The following UNC45B variants were observed in gnomAD, a reference collection of about 807,000 sequenced individuals.
UNC45B encodes unc-45 myosin chaperone B.
In UNC45B, 78 loss-of-function variants were observed where a neutral mutation model predicts 98.7. The observed-to-expected ratio is 0.79, with a 90% CI of 0.66 to 0.95. The LOEUF is 0.95. UNC45B is among the 40% of genes least tolerant of loss of function. The pLI, the probability that UNC45B is intolerant of heterozygous loss-of-function variation, is 0.00. For synonymous variants in UNC45B, 462 were observed against 480.4 expected (o/e 0.96, Z 0.50); for missense variants, 1,225 against 1,184.9 (o/e 1.03, Z -0.50).
rs778484839 is a variant in UNC45B at position 35,168,192 on chromosome 17, C to T, written c.1283C>T (p.Ala428Val). The change falls in exon 10 of 20, where the codon GCA becomes GTA. Residue 428 changes from alanine (A) to valine (V), a missense_variant. Physicochemically the swap from Ala to Val is moderately conservative, Grantham distance 64. Transcript: ENST00000394570. ...GLKGVMEMMV[A>V]LCGSERETDQ... ...AAAGGTGTGATGGAGATGATGGTGG[C>T]ACTATGTGGCTCAGAGCGCGAGACG... is the stretch of plus-strand genomic sequence containing the variant. The T allele has an allele frequency of 6.2e-6, 10 of 1,605,428 alleles. No homozygotes were observed. In the African/African-American group the frequency reaches 8.1e-5, roughly 13 times the overall value.
At chr17:35,186,118 C>T (rs1163252601) in intron 19 of UNC45B, among the ~76,000 whole-genome samples, 181 bp from the exon 20 acceptor site, 1 of 152,132 alleles carries the variant, frequency 6.6e-6, no homozygotes, top group Admixed American at 6.5e-5. Flanking sequence ...AGAGCAAGAA[C>T]TCACTGCTGC....
rs1597942110 is a variant in UNC45B at position 35,186,392 on chromosome 17, G to T, written c.2623G>T (p.Ala875Ser). The change falls in exon 20 of 20, where the codon GCA (alanine) becomes TCA (serine). Residue 875 changes from alanine (A) to serine (S), a missense_variant. Physicochemically the swap from Ala to Ser is moderately conservative, Grantham distance 99. Coordinates refer to ENST00000394570, the MANE Select transcript of UNC45B (RefSeq NM_001267052.2). Reference sequence around the variant, plus strand: ...CCTGGTCATTGCCTACAACCTACTGGCAGCCGATGCTGAGCTGGCCAAGAA... The same window carrying T: ...CCTGGTCATTGCCTACAACCTACTGTCAGCCGATGCTGAGCTGGCCAAGAA... The part of the protein sequence containing the change: ...RGLVIAYNLL[A>S]ADAELAKKLV... The T allele has an allele frequency of 6.2e-7, 1 of 1,614,226 alleles. No individual in the cohort carries two copies. Among genetic ancestry groups the T allele is most frequent in the East Asian group, 2.2e-5 (1 of 44,886 alleles).
intron 8 of UNC45B, among the ~76,000 whole-genome samples, chr17:35,160,616 T>C (rs2092096591): frequency 6.6e-6 from 1 of 152,162 alleles, no homozygotes; most frequent in Admixed American, 6.6e-5. Flanking sequence ...ATGTTTTTCT[T>C]TTGTAGAGAT....
chr17:35,157,711 C>G (rs1477380047), intron 7 of UNC45B, among the ~76,000 whole-genome samples: 1 of 152,186 alleles, frequency 6.6e-6, no homozygotes, highest in African/African-American at 2.4e-5. Context: ...AGATATTTGC[C>G]TATCCAGTAG....
At chr17:35,149,920 A>T (rs932212366) in intron 3 of UNC45B, 128 bp from the exon 4 acceptor site, 1 of 1,012,826 alleles carries the variant, frequency 9.9e-7, no homozygotes, top group Admixed American at 3.0e-5. Flanking sequence ...GAGAGTCCAC[A>T]TGGATGGATA....
At chr17:35,162,385 A>C (rs761161011) in intron 8 of UNC45B, among the ~76,000 whole-genome samples, 5 of 152,226 alleles carry the variant, frequency 3.3e-5, no homozygotes, top group Non-Finnish European at 7.3e-5. Flanking sequence ...GGAGTAGTTT[A>C]GGGAGGAAAC....
At chr17:35,183,723 T>G in intron 19 of UNC45B, 141 bp downstream of exon 19, 1 of 943,534 alleles carries the variant, frequency 1.1e-6, no homozygotes, top group African/African-American at 1.7e-5. Flanking sequence ...TCCTACTGCC[T>G]AAGGAGAGGA....
intron 4 of UNC45B, among the ~76,000 whole-genome samples, chr17:35,151,926 C>T (rs1448481373): frequency 4.6e-5 from 7 of 151,544 alleles, no homozygotes; most frequent in South Asian, 4.2e-4. Context: ...TAGGGAGAGA[C>T]GCTGTTCCTA....
At chr17:35,181,792 A>T (rs1597936907) in intron 18 of UNC45B, among the ~76,000 whole-genome samples, 1 of 38,184 alleles carries the variant, frequency 2.6e-5, no homozygotes, top group Non-Finnish European at 6.0e-5. Flanking sequence ...CTGCATCTCA[A>T]AAAAAAAAAA....
At position 35,180,596 on chromosome 17, in the gene UNC45B, G is replaced by A. The variant is rs771256591; in HGVS notation, c.2293G>A (p.Glu765Lys). 18 of 1,613,912 alleles carry A rather than the reference G, an allele frequency of 1.1e-5. No individual in the cohort carries two copies. The highest frequency in any genetic ancestry group is 5.0e-5 in the Admixed American group (3 of 59,998). The change falls in exon 18 of 20, where the codon GAG becomes AAG. Residue 765 changes from glutamate (E) to lysine (K), a missense_variant. Transcript: ENST00000394570. ...IFKERALPDI[E>K]NYMFENHDQL... is the part of the protein sequence containing the mutation. ...TAAGGAGAGGGCCTTGCCAGACATC[G>A]AGAACTACATGTTTGAGAATCATGA...
intron 7 of UNC45B, among the ~76,000 whole-genome samples, chr17:35,158,474 T>C (rs1168402623): frequency 1.3e-5 from 2 of 152,226 alleles, no homozygotes; most frequent in African/African-American, 4.8e-5. Context: ...AGGGCCAGTG[T>C]TGGAGGAGAT....
rs775340790 is a variant in UNC45B at position 35,169,924 on chromosome 17, T to C, written c.1540T>C (p.Cys514Arg). 22 of 1,613,972 alleles carry C rather than the reference T, an allele frequency of 1.4e-5. No homozygotes were observed. The highest frequency in any genetic ancestry group is 1.3e-5 in the Non-Finnish European group (15 of 1,180,022). The part of the protein sequence containing the change: ...EGSTEKLAKQ[C>R]RKWLCNMSID... ...GTCGACAGAAAAACTGGCCAAACAG[T>C]GTCGCAAGTAAGGGGGCTGTGTTTC... Residue 514 changes from cysteine (C) to arginine (R), a missense_variant, in exon 11 of 20, where the codon TGT (cysteine) becomes CGT (arginine). Coordinates refer to ENST00000394570, the MANE Select transcript of UNC45B (RefSeq NM_001267052.2).
At chr17:35,177,717 G>A (rs2092245092) in intron 17 of UNC45B, 107 bp downstream of exon 17, 1 of 839,556 alleles carries the variant, frequency 1.2e-6, no homozygotes, top group Non-Finnish European at 1.9e-6. Context: ...ACAACACAAA[G>A]GCAAGGGGTG....
intron 11 of UNC45B, 43 bp downstream of exon 11, chr17:35,169,974 C>T (rs778001659): frequency 4.3e-5 from 70 of 1,612,576 alleles, no homozygotes; most frequent in Non-Finnish European, 5.3e-5. Context: ...TCCTCATGCG[C>T]CTTCCGGGCA....
In UNC45B at chr17:35,159,281, G is replaced by C. The variant is rs550207569; in HGVS notation, c.809-94G>C. ...ACATATTCAGGAAGTAGTGGATTCA[G>C]TACTTCCAGAGTCTAGAAGCTGCTG... On this transcript the variant is annotated intron_variant, in intron 7 of 19. Transcript: ENST00000394570. 1.5e-5 allele frequency: 17 copies of C among 1,164,478 alleles called. No homozygotes were observed. The East Asian group carries it at 3.8e-4, about 26-fold the overall frequency. The allele number at this position is 1,164,478 out of a possible 1,614,324, so 72.1% of individuals were successfully genotyped here. A position where few individuals can be genotyped will look rare whatever the true frequency, so the allele number is the denominator to read the frequency against.
intron 13 of UNC45B, among the ~76,000 whole-genome samples, chr17:35,173,423 G>T (rs961066362): frequency 6.6e-6 from 1 of 152,114 alleles, no homozygotes; most frequent in Non-Finnish European, 1.5e-5. Context: ...ACCACGCCTG[G>T]CCCGGTTTTA....
intron 9 of UNC45B, 124 bp from the exon 10 acceptor site, chr17:35,167,937 C>T (rs2092152185): frequency 2.2e-6 from 2 of 895,158 alleles, no homozygotes; most frequent in Admixed American, 3.7e-5. Flanking sequence ...CTGAATTGCC[C>T]AATATCACAC....
At chr17:35,149,794 A>T (rs959708693) in intron 3 of UNC45B, among the ~76,000 whole-genome samples, 4 of 152,154 alleles carry the variant, frequency 2.6e-5, no homozygotes, top group Admixed American at 2.6e-4. Context: ...CCTGGCAGGG[A>T]TCCTGTAGCA....
intron 4 of UNC45B, chr17:35,151,298 G>T: frequency 6.1e-6 from 1 of 164,722 alleles, no homozygotes; most frequent in Non-Finnish European, 1.3e-5. Flanking sequence ...GAGCGGCGCC[G>T]GGGAGTGGGT....
Sources: allele counts gnomAD v4.1 joint callset (sites outside exome capture counted in the v4.1 genomes callset), GRCh38; gene constraint gnomAD v4.1.1; transcripts MANE v1.5; gene names NCBI Gene and HGNC (gene_info 2026-07-23, HGNC 2026-07-21).